LPGAT1: variants seen among roughly 807,000 people sequenced by gnomAD.
The protein encoded by LPGAT1 is lysophosphatidylglycerol acyltransferase 1.
Under a neutral mutation model 47.5 loss-of-function variants are expected in LPGAT1, and 11 were observed. The ratio of observed to expected loss-of-function variants is 0.23; its 90% CI spans 0.15 to 0.38. LPGAT1 has a LOEUF of 0.38. Ranked by LOEUF, LPGAT1 falls within the 10% of genes least tolerant of loss-of-function variation. The pLI is 1.00. For synonymous variants in LPGAT1, 138 were observed against 144.2 expected (o/e 0.96, Z 0.31); for missense variants, 293 against 439.0 (o/e 0.67, Z 2.97).
chr1:211,816,400 T>C (rs1660176716), intron 2 of LPGAT1, among the ~76,000 whole-genome samples: 1 of 152,182 alleles, frequency 6.6e-6, no homozygotes. Flanking sequence ...ATTTTTGCAT[T>C]AGAATAGGTG....
At chr1:211,769,384 A>G (rs1658068594) in intron 6 of LPGAT1, among the ~76,000 whole-genome samples, 1 of 152,146 alleles carries the variant, frequency 6.6e-6, no homozygotes, top group African/African-American at 2.4e-5. Flanking sequence ...CAATAATGAG[A>G]TGGTAAAGGC....
In LPGAT1 at chr1:211,748,803, A is replaced by C. The variant is rs1657049920; in HGVS notation, c.*1096T>G. ...GCTCCTTGATGTAATGATTCAACAG[A>C]CTACTGTCTGCACAGGTCCTAGGGG... On this transcript the variant is annotated 3_prime_UTR_variant, in exon 8 of 8. Transcript: ENST00000366997. 6.6e-6 allele frequency: 1 copy of C among 152,614 alleles called. No homozygotes were observed. Among genetic ancestry groups the C allele is most frequent in the Non-Finnish European group, 1.5e-5 (1 of 68,052 alleles). The allele number at this position is 152,614 out of a possible 1,614,324, so 9.5% of individuals were successfully genotyped here. A position where few individuals can be genotyped will look rare whatever the true frequency, so the allele number is the denominator to read the frequency against.
intron 2 of LPGAT1, among the ~76,000 whole-genome samples, chr1:211,819,552 G>A (rs563798400): frequency 1.3e-5 from 2 of 152,224 alleles, no homozygotes; most frequent in East Asian, 1.9e-4. Context: ...CAAAGTACCT[G>A]AGAACAAGGC....
intron 2 of LPGAT1, among the ~76,000 whole-genome samples, chr1:211,825,529 G>A (rs1259220120): frequency 6.6e-6 from 1 of 152,020 alleles, no homozygotes; most frequent in African/African-American, 2.4e-5. Flanking sequence ...ATTTATCCTA[G>A]ATCCAAATAA....
intron 2 of LPGAT1, among the ~76,000 whole-genome samples, chr1:211,814,547 G>A (rs1245238675): frequency 6.6e-6 from 1 of 152,184 alleles, no homozygotes; most frequent in Non-Finnish European, 1.5e-5. Context: ...CATGTATGGA[G>A]TGCTGATATG....
chr1:211,802,103 G>A lies in LPGAT1; in HGVS notation c.239-8913C>T, dbSNP rs200141770. 3.1e-3 allele frequency among the ~76,000 whole-genome samples: 375 copies of A among 120,540 alleles called. 4 individuals are homozygous for A. The highest frequency in any genetic ancestry group is 4.6e-3 in the Admixed American group (49 of 10,644). 79.1% of individuals were successfully genotyped at this position (120,540 alleles called of 152,430 possible). On this transcript the variant is annotated intron_variant, in intron 2 of 7. Transcript: ENST00000366997. The stretch of plus-strand genomic sequence containing the variant: ...ACTCTGTCTCAAAAAAAAAAAAAAA[G>A]AGAAAAAAAGAAAGAAAGAAAAAGG...
intron 6 of LPGAT1, among the ~76,000 whole-genome samples, chr1:211,769,837 G>A (rs1658089079): frequency 6.6e-6 from 1 of 152,086 alleles, no homozygotes; most frequent in African/African-American, 2.4e-5. Context: ...TGTTTTATCA[G>A]GAAGGTCTCT....
Position 211,829,574 on chromosome 1 carries a change from C to T in LPGAT1, c.-27-251G>A, listed in dbSNP as rs1452853210. 9.2e-6 allele frequency: 12 copies of T among 1,307,620 alleles called. No homozygotes were observed. In the South Asian group the frequency reaches 1.3e-4, roughly 14 times the overall value. 81.0% of individuals were successfully genotyped at this position (1,307,620 alleles called of 1,614,324 possible). On this transcript the variant is annotated intron_variant, in intron 1 of 7. Transcript: ENST00000366997. ...TCACAATATATTTAGCAAATGATAACACAATTCCCATTCAGTAATCGGTGG... is the reference window on the plus strand; with the variant it reads ...TCACAATATATTTAGCAAATGATAATACAATTCCCATTCAGTAATCGGTGG...
intron 4 of LPGAT1, among the ~76,000 whole-genome samples, chr1:211,783,855 T>C (rs1658738455): frequency 6.6e-6 from 1 of 152,246 alleles, no homozygotes. Flanking sequence ...TCATGGAGCT[T>C]ACATTCTAGT....
chr1:211,785,675 C>T (rs1489133183), intron 4 of LPGAT1, among the ~76,000 whole-genome samples: 2 of 150,504 alleles, frequency 1.3e-5, no homozygotes, highest in East Asian at 3.9e-4. Flanking sequence ...GACGCAATCT[C>T]GGCCCACTGC....
chr1:211,744,936 TAA>T lies in LPGAT1; in HGVS notation c.*4961_*4962del, dbSNP rs1453488082. 14 of 152,618 alleles carry T rather than the reference TAA, an allele frequency of 9.2e-5. No homozygotes were observed. The highest frequency in any genetic ancestry group is 2.4e-4 in the African/African-American group (10 of 41,458). 9.5% of individuals were successfully genotyped at this position (152,618 alleles called of 1,614,324 possible). ...GATATTAATGCCCAAATAGCTCTGG[TAA>T]AACACACATGCCCCATCCCCACTGC... On this transcript the variant is annotated 3_prime_UTR_variant, in exon 8 of 8. Coordinates refer to ENST00000366997, the MANE Select transcript of LPGAT1 (RefSeq NM_014873.3).
At chr1:211,784,810 T>C (rs1305732345) in intron 4 of LPGAT1, among the ~76,000 whole-genome samples, 1 of 150,322 alleles carries the variant, frequency 6.7e-6, no homozygotes, top group Admixed American at 6.6e-5. Context: ...CTTTCTTTTT[T>C]TTTTTTTTTT....
intron 2 of LPGAT1, among the ~76,000 whole-genome samples, chr1:211,795,398 G>A (rs1235787369): frequency 1.3e-5 from 2 of 152,004 alleles, no homozygotes; most frequent in Non-Finnish European, 2.9e-5. Flanking sequence ...ACGGAGTTTC[G>A]CTCTTGTTGC....
rs1013257237 is a variant in LPGAT1, at chr1:211,748,029, T to G, written c.*1870A>C. On this transcript the variant is annotated 3_prime_UTR_variant, in exon 8 of 8. Coordinates refer to ENST00000366997, the MANE Select transcript of LPGAT1 (RefSeq NM_014873.3). ...AGATGAAGCTGCTGTGGGCTTTTAT[T>G]TGGTGTTGCTTTACCTTTCCCACAT... 1 of 152,662 alleles carries G rather than the reference T, an allele frequency of 6.6e-6. No homozygotes were observed. The highest frequency in any genetic ancestry group is 1.5e-5 in the Non-Finnish European group (1 of 68,036). The allele number at this position is 152,662 out of a possible 1,614,324, so 9.5% of individuals were successfully genotyped here. A position where few individuals can be genotyped will look rare whatever the true frequency, so the allele number is the denominator to read the frequency against.
chr1:211,778,949 T>C lies in LPGAT1; in HGVS notation c.823A>G (p.Arg275Gly). The change falls in exon 6 of 8, where the codon AGG becomes GGG. Residue 275 changes from arginine to glycine, a missense_variant. Arg to Gly is a moderately radical substitution (Grantham distance 125, BLOSUM62 -2). Coordinates refer to ENST00000366997, the MANE Select transcript of LPGAT1 (RefSeq NM_014873.3). ...TGTACATGTGTGACTGTTGGTTTCC[T>C]GTATCCAAGGATCCAGGTTTGAATA... The part of the protein sequence containing the change: ...IDIQTWILGY[R>G]KPTVTHVHYR... The C allele has an allele frequency of 6.2e-7, 1 of 1,608,086 alleles. No individual in the cohort carries two copies. The highest frequency in any genetic ancestry group is 1.1e-5 in the South Asian group (1 of 89,824).
intron 6 of LPGAT1, among the ~76,000 whole-genome samples, chr1:211,773,954 T>A (rs1466704069): frequency 5.3e-5 from 8 of 152,086 alleles, no homozygotes; most frequent in African/African-American, 1.7e-4. Context: ...CAATAAATAA[T>A]ATTGGTAAGA....
chr1:211,800,067 C>T (rs562495532), intron 2 of LPGAT1, among the ~76,000 whole-genome samples: 64 of 134,084 alleles, frequency 4.8e-4, no homozygotes, highest in African/African-American at 1.6e-3. Context: ...CAGAGTCTCG[C>T]TCTATTGCCC....
chr1:211,795,511 G>C (rs1659315615), intron 2 of LPGAT1, among the ~76,000 whole-genome samples: 1 of 152,134 alleles, frequency 6.6e-6, no homozygotes, highest in Admixed American at 6.5e-5. Flanking sequence ...GGGATTACAG[G>C]CATGCGCCAC....
intron 6 of LPGAT1, among the ~76,000 whole-genome samples, chr1:211,770,490 T>G (rs17018051): frequency 0.024 from 3,669 of 152,272 alleles, 144 homozygotes; most frequent in African/African-American, 0.083. Flanking sequence ...CATTGAGCTG[T>G]TTACATACAT....
Sources: gnomAD v4.1 joint callset for allele counts (sites outside exome capture counted in the v4.1 genomes callset) on GRCh38, gnomAD v4.1.1 for gene constraint, MANE v1.5 for transcripts, NCBI Gene and HGNC (gene_info 2026-07-23, HGNC 2026-07-21) for gene names.